Variants in APMAP observed in about 807,000 individuals in gnomAD.
APMAP encodes the protein adipocyte plasma membrane associated protein, also known as adipocyte plasma membrane-associated protein.
A neutral mutation model predicts 43.6 loss-of-function variants in APMAP; 33 were observed. That is an observed-to-expected ratio of 0.76 (90% confidence interval 0.57 to 1.01). The LOEUF is 1.01. APMAP is among the 50% of genes least tolerant of loss of function. The pLI is 0.00. For synonymous variants in APMAP, 224 were observed against 216.7 expected (o/e 1.03, Z -0.30); for missense variants, 498 against 540.7 (o/e 0.92, Z 0.78).
At chr20:24,967,722 G>A (rs185109687) in intron 8 of APMAP, among the ~76,000 whole-genome samples, 226 of 152,318 alleles carry the variant, frequency 1.5e-3, no homozygotes, top group Non-Finnish European at 4.4e-4. Context: ...CTGAGGCAGC[G>A]AGTCCAAGTC....
rs141100068 is a variant in APMAP, at chr20:24,978,868, G to A, written c.227C>T (p.Pro76Leu). The part of the protein sequence containing the change: ...DPQPLSFKEP[P>L]LLLGVLHPNT... ...TGGATGCAGAACACCAAGCAAGAGC[G>A]GGGGTTCTTTGAAGCTGCAAAATAA... The change falls in exon 3 of 9, where the codon CCG becomes CTG. Residue 76 changes from proline (P) to leucine (L), a missense_variant. Transcript: ENST00000217456. The A allele has an allele frequency of 2.8e-4, 458 of 1,613,724 alleles. 2 individuals are homozygous for A. Among genetic ancestry groups the A allele is most frequent in the African/African-American group, 1.6e-3 (119 of 74,992 alleles).
intron 6 of APMAP, 104 bp from the exon 7 acceptor site, chr20:24,969,764 G>A: frequency 7.0e-7 from 1 of 1,428,342 alleles, no homozygotes; most frequent in Non-Finnish European, 9.4e-7. Flanking sequence ...TCACCCCGGA[G>A]CAACAGGCCC....
At position 24,963,666 on chromosome 20, in the gene APMAP, A is replaced by AG; in HGVS notation, c.*146dup. 1.2e-6 allele frequency: 1 copy of AG among 834,646 alleles called. No homozygotes were observed. The highest frequency in any genetic ancestry group is 1.9e-6 in the Non-Finnish European group (1 of 526,528). The allele number at this position is 834,646 out of a possible 1,614,324, so 51.7% of individuals were successfully genotyped here. Reference sequence around the variant, plus strand: ...GGGCCCGGGCATCCTCGAGGAATGAAGCAGCCATTCCCACCACCTCTCAGG... The same window carrying AG: ...GGGCCCGGGCATCCTCGAGGAATGAAGGCAGCCATTCCCACCACCTCTCAGG... On this transcript the variant is annotated 3_prime_UTR_variant, in exon 9 of 9. Transcript: ENST00000217456.
At position 24,983,907 on chromosome 20, in the gene APMAP, G is replaced by A. The variant is rs546068480; in HGVS notation, c.208C>T (p.Leu70Phe). ...LLESPIDPQPLSFKEPPLLLG... is the reference protein window; with the variant it reads ...LLESPIDPQPFSFKEPPLLLG... Reference sequence around the variant, plus strand: ...GAGGACTGCGGGGCAGCCTACCTGAGAGGCTGTGGATCTATAGGAGATTCC... The same window carrying A: ...GAGGACTGCGGGGCAGCCTACCTGAAAGGCTGTGGATCTATAGGAGATTCC... The change falls in exon 2 of 9, where the codon CTC becomes TTC. Residue 70 changes from leucine (L) to phenylalanine (F), a missense_variant. Coordinates refer to ENST00000217456, the MANE Select transcript of APMAP (RefSeq NM_020531.3). The A allele has an allele frequency of 2.5e-6, 4 of 1,605,622 alleles. No homozygotes were observed. Among genetic ancestry groups the A allele is most frequent in the Middle Eastern group, 3.3e-4 (2 of 6,044 alleles).
At chr20:24,971,793 T>C (rs565549719) in intron 4 of APMAP, among the ~76,000 whole-genome samples, 6 of 135,376 alleles carry the variant, frequency 4.4e-5, no homozygotes, top group South Asian at 5.0e-4. Flanking sequence ...GTGCTTACTG[T>C]AGGTGCTTAC....
intron 7 of APMAP, 45 bp from the exon 8 acceptor site, chr20:24,969,129 T>C (rs750545302): frequency 1.3e-6 from 2 of 1,512,636 alleles, no homozygotes; most frequent in Non-Finnish European, 1.8e-6. Context: ...GCCCCTCAAT[T>C]TCAGAAAAAA....
At chr20:24,973,402 C>T (rs989547384) in intron 4 of APMAP, among the ~76,000 whole-genome samples, 3 of 152,182 alleles carry the variant, frequency 2.0e-5, no homozygotes, top group Non-Finnish European at 4.4e-5. Context: ...CATGCAGTAC[C>T]AAGCAGGGGC....
intron 7 of APMAP, 63 bp from the exon 8 acceptor site, chr20:24,969,147 G>A: frequency 6.8e-7 from 1 of 1,461,338 alleles, no homozygotes; most frequent in South Asian, 1.4e-5. Context: ...AAAAATTTTA[G>A]CCAAGCACCA....
Position 24,984,031 on chromosome 20 carries a change from A to G in APMAP, c.96-12T>C, listed in dbSNP as rs2088127494. On this transcript the variant is annotated splice_polypyrimidine_tract_variant and intron_variant, in intron 1 of 8. Transcript: ENST00000217456. ...TGCCGCTAAAGGAGCTGCCAGAAATAAAAGATACAAAGGCAATCAGCTGAG... is the reference window on the plus strand; with the variant it reads ...TGCCGCTAAAGGAGCTGCCAGAAATGAAAGATACAAAGGCAATCAGCTGAG... The G allele has an allele frequency of 1.3e-6, 2 of 1,596,462 alleles. No individual in the cohort carries two copies. The highest frequency in any genetic ancestry group is 1.7e-5 in the Admixed American group (1 of 59,908).
At chr20:24,974,467 A>G (rs2088033886) in intron 3 of APMAP, among the ~76,000 whole-genome samples, 1 of 152,256 alleles carries the variant, frequency 6.6e-6, no homozygotes, top group Non-Finnish European at 1.5e-5. Flanking sequence ...GAAAACAGTA[A>G]CAAATACGGT....
intron 8 of APMAP, among the ~76,000 whole-genome samples, chr20:24,964,979 C>A (rs6114965): frequency 6.6e-6 from 1 of 152,172 alleles, no homozygotes; most frequent in Non-Finnish European, 1.5e-5. Context: ...GCCGTGGATC[C>A]TTCCCACTCT....
rs200857426 is a variant in APMAP, at chr20:24,978,855, A to G, written c.240T>C (p.Gly80=). 1.9e-6 allele frequency: 3 copies of G among 1,613,684 alleles called. No individual in the cohort carries two copies. The highest frequency in any genetic ancestry group is 1.7e-5 in the Admixed American group (1 of 59,984). Residue 80 remains glycine, a synonymous_variant, in exon 3 of 9, where the codon GGT becomes GGC. Coordinates refer to ENST00000217456, the MANE Select transcript of APMAP (RefSeq NM_020531.3). ...GCAGCTTCGTATTTGGATGCAGAAC[A>G]CCAAGCAAGAGCGGGGGTTCTTTGA... The part of the protein sequence containing the change: ...LSFKEPPLLL[G]VLHPNTKLRQ...
At position 24,963,747 on chromosome 20, in the gene APMAP, G is replaced by A; in HGVS notation, c.*66C>T. On this transcript the variant is annotated 3_prime_UTR_variant, in exon 9 of 9. Coordinates refer to ENST00000217456, the MANE Select transcript of APMAP (RefSeq NM_020531.3). ...ACGACTGTGTCCACAGCTCCTCCTGGACCAGGCCTGGTGCCTGAGTGTGAA... is the reference window on the plus strand; with the variant it reads ...ACGACTGTGTCCACAGCTCCTCCTGAACCAGGCCTGGTGCCTGAGTGTGAA... 5.3e-6 allele frequency: 8 copies of A among 1,503,364 alleles called. No homozygotes were observed. The highest frequency in any genetic ancestry group is 6.4e-6 in the Non-Finnish European group (7 of 1,087,722). 93.1% of individuals were successfully genotyped at this position (1,503,364 alleles called of 1,614,324 possible).
intron 6 of APMAP, 35 bp downstream of exon 6, chr20:24,970,162 A>T (rs978588852): frequency 1.2e-6 from 2 of 1,612,258 alleles, no homozygotes; most frequent in Non-Finnish European, 1.7e-6. Flanking sequence ...TGGCTGGTGA[A>T]CTCAACAAAT....
rs75952637 is a variant in APMAP, at chr20:24,973,702, C to G, written c.364G>C (p.Val122Leu). The G allele has an allele frequency of 6.2e-7, 1 of 1,613,978 alleles. No homozygotes were observed. The highest frequency in any genetic ancestry group is 8.5e-7 in the Non-Finnish European group (1 of 1,179,986). The change falls in exon 4 of 9, where the codon GTA becomes CTA. Residue 122 changes from valine to leucine, a missense_variant. Coordinates refer to ENST00000217456, the MANE Select transcript of APMAP (RefSeq NM_020531.3). ...MFTGTADGRV[V>L]KLENGEIETI... ...TCTATTTCACCATTTTCAAGTTTTA[C>G]GACCCGGCCATCTGCTGTCCCAGTA...
intron 8 of APMAP, 91 bp downstream of exon 8, chr20:24,968,801 G>A (rs1196504416): frequency 1.9e-5 from 25 of 1,289,016 alleles, no homozygotes; most frequent in East Asian, 2.5e-5. Flanking sequence ...AATACTACAA[G>A]CAGAACTAGA....
chr20:24,987,331 C>A (rs2088156258), intron 1 of APMAP, among the ~76,000 whole-genome samples: 1 of 152,158 alleles, frequency 6.6e-6, no homozygotes. Context: ...GCTACATTGT[C>A]CAGGCTGGTC....
chr20:24,975,817 A>G (rs1341448588), intron 3 of APMAP, among the ~76,000 whole-genome samples: 1 of 152,342 alleles, frequency 6.6e-6, no homozygotes, highest in East Asian at 1.9e-4. Flanking sequence ...TATTAGCAAA[A>G]GAATAGAAAA....
At chr20:24,984,350 G>A (rs952791657) in intron 1 of APMAP, among the ~76,000 whole-genome samples, 2 of 152,306 alleles carry the variant, frequency 1.3e-5, no homozygotes, top group Non-Finnish European at 1.5e-5. Flanking sequence ...GGGAAAAAGA[G>A]TTCTAATGAC....
Sources: allele counts gnomAD v4.1 joint callset (sites outside exome capture counted in the v4.1 genomes callset), GRCh38; gene constraint gnomAD v4.1.1; transcripts MANE v1.5; gene names NCBI Gene and HGNC (gene_info 2026-07-23, HGNC 2026-07-21).